The following GMDS variants were observed in gnomAD, a reference collection of about 807,000 sequenced individuals.
GMDS encodes GDP-mannose 4,6 dehydratase.
Under a neutral mutation model 49.9 loss-of-function variants are expected in GMDS, and 20 were observed. The ratio of observed to expected loss-of-function variants is 0.40; its 90% confidence interval spans 0.28 to 0.58. The LOEUF is 0.58. Ranked by LOEUF, GMDS falls within the 20% of genes least tolerant of loss-of-function variation. The pLI, the probability that GMDS is intolerant of heterozygous loss-of-function variation, is 0.42. For missense variants in GMDS, 362 were observed against 481.4 expected (o/e 0.75, Z 2.32); for synonymous variants, 177 against 178.6 (o/e 0.99, Z 0.07).
chr6:1,815,578 A>G (rs1368440021), intron 7 of GMDS, among the ~76,000 whole-genome samples: 1 of 152,200 alleles, frequency 6.6e-6, no homozygotes, highest in East Asian at 1.9e-4. Flanking sequence ...AAAACAGTCT[A>G]AATTTTTGTT....
At chr6:2,115,515 G>T (rs1387421243) in intron 4 of GMDS, among the ~76,000 whole-genome samples, 2 of 152,050 alleles carry the variant, frequency 1.3e-5, no homozygotes, top group Non-Finnish European at 2.9e-5. Context: ...ATGGCTACAG[G>T]GAACAACCCA....
chr6:1,678,271 A>T (rs929306413), intron 9 of GMDS, among the ~76,000 whole-genome samples: 5 of 152,158 alleles, frequency 3.3e-5, no homozygotes, highest in African/African-American at 4.8e-5. Flanking sequence ...TGTTCTCCCT[A>T]ACAAAGGTCT....
At chr6:1,885,526 A>G (rs1759558791) in intron 7 of GMDS, among the ~76,000 whole-genome samples, 1 of 152,200 alleles carries the variant, frequency 6.6e-6, no homozygotes, top group Non-Finnish European at 1.5e-5. Context: ...AAGGCAAAGA[A>G]CGAAGTGTTT....
intron 4 of GMDS, among the ~76,000 whole-genome samples, chr6:2,101,455 T>A (rs532968449): frequency 1.5e-4 from 23 of 152,166 alleles, no homozygotes; most frequent in African/African-American, 5.3e-4. Context: ...CTCTGGATCC[T>A]GTGCCAACAA....
chr6:1,747,002 C>T (rs553073147), intron 7 of GMDS, among the ~76,000 whole-genome samples: 3 of 152,176 alleles, frequency 2.0e-5, no homozygotes, highest in African/African-American at 4.8e-5. Context: ...TCCCAGCCTA[C>T]AAAACTTAAA....
Position 1,635,673 on chromosome 6 carries a change from T to G in GMDS, c.988-11133A>C, listed in dbSNP as rs58722126. On this transcript the variant is annotated intron_variant, in intron 9 of 10. Transcript: ENST00000380815. The surrounding 1 kb of genome is among the most constrained non-coding windows in gnomAD (Gnocchi z 4.7). ...GTGCTGTGCAAAGCCCACCGGGGGG[T>G]GTGGCCCTCAAGTCTGCAGATGCAA... Among the ~76,000 whole-genome samples the G allele has an allele frequency of 6.6e-6, 1 of 151,914 alleles. No individual in the cohort carries two copies. The highest frequency in any genetic ancestry group is 1.5e-5 in the Non-Finnish European group (1 of 67,988).
At chr6:1,720,243 C>A (rs979620730) in intron 9 of GMDS, among the ~76,000 whole-genome samples, 1 of 151,932 alleles carries the variant, frequency 6.6e-6, no homozygotes, top group Non-Finnish European at 1.5e-5. Context: ...GGAGAGCAAC[C>A]GAGGAAAGAA....
At chr6:1,712,077 A>T (rs1765989583) in intron 9 of GMDS, among the ~76,000 whole-genome samples, 2 of 152,220 alleles carry the variant, frequency 1.3e-5, no homozygotes, top group African/African-American at 4.8e-5. Flanking sequence ...GATCACGAGA[A>T]AACTGCAAGA....
At chr6:1,736,012 T>G (rs2113468176) in intron 8 of GMDS, among the ~76,000 whole-genome samples, 1 of 152,278 alleles carries the variant, frequency 6.6e-6, no homozygotes, top group Non-Finnish European at 1.5e-5. Flanking sequence ...GTTTAGGTAC[T>G]TATGAAGGCA....
In GMDS at chr6:2,231,030, G is replaced by A. The variant is rs76627546; in HGVS notation, c.102+14291C>T. On this transcript the variant is annotated intron_variant, in intron 1 of 10. Coordinates refer to ENST00000380815, the MANE Select transcript of GMDS (RefSeq NM_001500.4). ...CCTAAGTCAACATTATAAGGACAGGGGGACAAGAAAGAGTGCCTGGTCAAA... is the reference window on the plus strand; with the variant it reads ...CCTAAGTCAACATTATAAGGACAGGAGGACAAGAAAGAGTGCCTGGTCAAA... 3.8e-4 allele frequency among the ~76,000 whole-genome samples: 54 copies of A among 143,046 alleles called. No homozygotes were observed. The East Asian group carries it at 0.01, about 27-fold the overall frequency. 93.8% of individuals were successfully genotyped at this position (143,046 alleles called of 152,430 possible).
chr6:1,848,806 G>A (rs1189562648), intron 7 of GMDS, among the ~76,000 whole-genome samples: 1 of 152,194 alleles, frequency 6.6e-6, no homozygotes, highest in African/African-American at 2.4e-5. Context: ...CATCACCTAG[G>A]AGGGTGTGTG....
chr6:1,787,708 T>C (rs1198251935), intron 7 of GMDS, among the ~76,000 whole-genome samples: 1 of 152,170 alleles, frequency 6.6e-6, no homozygotes, highest in East Asian at 1.9e-4. Flanking sequence ...AAAGACAGAA[T>C]TCAGACTGCA....
intron 7 of GMDS, among the ~76,000 whole-genome samples, chr6:1,754,941 T>C (rs994640180): frequency 6.6e-6 from 1 of 152,220 alleles, no homozygotes; most frequent in African/African-American, 2.4e-5. Context: ...TCATACTGAA[T>C]GGGCAAAAGC....
Position 1,726,482 on chromosome 6 carries a change from G to T in GMDS, c.921C>A (p.Gly307=). 6.2e-7 allele frequency: 1 copy of T among 1,612,802 alleles called. No homozygotes were observed. Among genetic ancestry groups the T allele is most frequent in the South Asian group, 1.1e-5 (1 of 91,052 alleles). ...GAACTTTGCCGGTCTCTTTACATCT[G>T]CCCACTTCATTTTCATTCTTTCCTT... The part of the protein sequence containing the change: ...VWEGKNENEV[G]RCKETGKVHV... The change falls in exon 9 of 11, where the codon GGC becomes GGA. Residue 307 remains glycine, a synonymous_variant. Transcript: ENST00000380815.
intron 7 of GMDS, among the ~76,000 whole-genome samples, chr6:1,917,546 C>G (rs1243500364): frequency 6.6e-6 from 1 of 152,146 alleles, no homozygotes; most frequent in Non-Finnish European, 1.5e-5. Context: ...AGTGATAGAT[C>G]TTTATATTTT....
At chr6:2,092,825 T>C (rs1773396325) in intron 4 of GMDS, among the ~76,000 whole-genome samples, 1 of 152,168 alleles carries the variant, frequency 6.6e-6, no homozygotes, top group South Asian at 2.1e-4. Flanking sequence ...ACTCCATAGG[T>C]ATAAGTTGGA....
chr6:1,660,779 C>A lies in GMDS; in HGVS notation c.988-36239G>T, dbSNP rs573955563. Among the ~76,000 whole-genome samples, 6 of 145,506 alleles carry A rather than the reference C, an allele frequency of 4.1e-5. No homozygotes were observed. The South Asian group carries it at 8.9e-4, about 22-fold the overall frequency. On this transcript the variant is annotated intron_variant, in intron 9 of 10. Coordinates refer to ENST00000380815, the MANE Select transcript of GMDS (RefSeq NM_001500.4). ...TTTAGTTTGTGAAGTACAGGCAATA[C>A]GAGATGACAGGAGATGTTGGCGGCA...
intron 1 of GMDS, among the ~76,000 whole-genome samples, chr6:2,125,711 CA>C (rs1775392107): frequency 6.6e-6 from 1 of 151,976 alleles, no homozygotes; most frequent in Non-Finnish European, 1.5e-5. Context: ...TAAAGAAGGC[CA>C]GGGGGATGTG....
intron 4 of GMDS, among the ~76,000 whole-genome samples, chr6:1,988,265 A>G (rs1328203600): frequency 3.9e-5 from 6 of 152,106 alleles, no homozygotes; most frequent in Non-Finnish European, 7.4e-5. Flanking sequence ...AATTCAGAGT[A>G]TATTTTCTCT....
Sources: allele counts gnomAD v4.1 joint callset (sites outside exome capture counted in the v4.1 genomes callset), GRCh38; gene constraint gnomAD v4.1.1; non-coding constraint Gnocchi (gnomAD v3.1); transcripts MANE v1.5; gene names NCBI Gene and HGNC (gene_info 2026-07-23, HGNC 2026-07-21).